TEX2: variants seen among roughly 807,000 people sequenced by gnomAD.
The protein encoded by TEX2 is testis expressed 2.
TEX2 carries 53 observed loss-of-function variants against 106.9 expected under a neutral mutation model. The observed-to-expected ratio is 0.50, with a 90% CI of 0.40 to 0.62. The LOEUF (loss-of-function observed/expected upper bound fraction) is 0.62, where lower values mean the gene tolerates loss of function less well. Among genes scored for constraint, TEX2 ranks in the 20% least tolerant of loss-of-function variants. The pLI is 0.00. For missense variants in TEX2, 1,207 were observed against 1,379.0 expected (o/e 0.88, Z 1.98); for synonymous variants, 523 against 534.8 (o/e 0.98, Z 0.30).
At chr17:64,225,930 C>A (rs1555633843) in intron 1 of TEX2, among the ~76,000 whole-genome samples, 1 of 152,106 alleles carries the variant, frequency 6.6e-6, no homozygotes. Context: ...GTTGGCCAGG[C>A]TGGTCTTGAA....
chr17:64,171,394 G>A (rs1389420806), intron 6 of TEX2, among the ~76,000 whole-genome samples, 195 bp from the exon 7 acceptor site: 6 of 152,136 alleles, frequency 3.9e-5, no homozygotes, highest in Non-Finnish European at 8.8e-5. Context: ...GTCAGGCCAG[G>A]GCCTGGCTCT....
At position 64,217,939 on chromosome 17, in the gene TEX2, A is replaced by G. The variant is rs2033231649; in HGVS notation, c.-25-3697T>C. Among the ~76,000 whole-genome samples, 1 of 152,204 alleles carries G rather than the reference A, an allele frequency of 6.6e-6. No individual in the cohort carries two copies. The highest frequency in any genetic ancestry group is 2.4e-5 in the African/African-American group (1 of 41,444). On this transcript the variant is annotated intron_variant, in intron 1 of 11. Transcript: ENST00000584379. The surrounding 1 kb of genome is among the most constrained non-coding windows in gnomAD (Gnocchi z 4.3). ...TCTGACATGATCAAAGTGGTACACA[A>G]AATTAATCACGTCCCGTCCCAGAAT... is the stretch of plus-strand genomic sequence containing the variant.
At chr17:64,238,030 G>A (rs1051082031) in intron 1 of TEX2, among the ~76,000 whole-genome samples, 4 of 152,262 alleles carry the variant, frequency 2.6e-5, no homozygotes, top group South Asian at 2.1e-4. Flanking sequence ...AGCCAGGCGC[G>A]GTGGTTCATG....
chr17:64,188,237 G>A lies in TEX2; in HGVS notation c.2355C>T (p.Pro785=), dbSNP rs747879534. 3 of 1,613,618 alleles carry A rather than the reference G, an allele frequency of 1.9e-6. No homozygotes were observed. Among genetic ancestry groups the A allele is most frequent in the Admixed American group, 3.3e-5 (2 of 60,026 alleles). ...TCCTCTGGGGGCTTCGGCTTTCCTG[G>A]GGGACACACCTGCCCATGTACACGC... is the stretch of plus-strand genomic sequence containing the variant. ...DYSVYMGRCV[P]QESRSPQRSP... Residue 785 remains proline (P), a synonymous_variant, in exon 5 of 12, where the codon CCC becomes CCT. Coordinates refer to ENST00000584379, the MANE Select transcript of TEX2 (RefSeq NM_001288732.2).
intron 1 of TEX2, among the ~76,000 whole-genome samples, chr17:64,244,367 A>G (rs2143431566): frequency 6.6e-6 from 1 of 152,318 alleles, no homozygotes; most frequent in South Asian, 2.1e-4. Flanking sequence ...ACAGCAGGTC[A>G]GGAAGGTCTT....
intron 5 of TEX2, among the ~76,000 whole-genome samples, chr17:64,181,475 A>T (rs1196885250): frequency 0.2 from 2,729 of 13,426 alleles, 264 homozygotes; most frequent in Middle Eastern, 0.25. Flanking sequence ...GCTATCTCAA[A>T]AAAAAAAAAA....
At chr17:64,207,781 G>A (rs528872493) in intron 2 of TEX2, among the ~76,000 whole-genome samples, 1 of 151,772 alleles carries the variant, frequency 6.6e-6, no homozygotes. Context: ...TGTCACTCAG[G>A]CTGGAGGGCA....
intron 3 of TEX2, 67 bp downstream of exon 3, chr17:64,194,828 T>C: frequency 6.7e-7 from 1 of 1,490,866 alleles, no homozygotes; most frequent in Non-Finnish European, 9.3e-7. Flanking sequence ...AAAATGCAGT[T>C]AAGCATCCAA....
intron 4 of TEX2, among the ~76,000 whole-genome samples, chr17:64,189,920 G>A (rs2032231637): frequency 6.6e-6 from 1 of 151,732 alleles, no homozygotes; most frequent in African/African-American, 2.4e-5. Flanking sequence ...GGGAGGCGGA[G>A]GTTGCAGTGA....
intron 1 of TEX2, among the ~76,000 whole-genome samples, chr17:64,262,836 C>T (rs886986131): frequency 4.6e-5 from 7 of 152,188 alleles, no homozygotes; most frequent in Non-Finnish European, 1.0e-4. Context: ...AATTGCAAGC[C>T]GTTTTCCTCT....
intron 4 of TEX2, among the ~76,000 whole-genome samples, chr17:64,190,817 C>T (rs2032268376): frequency 6.6e-6 from 1 of 152,168 alleles, no homozygotes; most frequent in Admixed American, 6.5e-5. Context: ...TCTTAAGATC[C>T]CGTCAAACAT....
chr17:64,250,784 C>A (rs931606394), intron 1 of TEX2, among the ~76,000 whole-genome samples: 1 of 152,152 alleles, frequency 6.6e-6, no homozygotes, highest in Non-Finnish European at 1.5e-5. Context: ...CAAGCTCAAG[C>A]AATCCTCCCA....
At chr17:64,208,461 A>C (rs1039904657) in intron 2 of TEX2, among the ~76,000 whole-genome samples, 1 of 151,606 alleles carries the variant, frequency 6.6e-6, no homozygotes, top group Non-Finnish European at 1.5e-5. Context: ...GCTGGTCTTG[A>C]ACTCCTGACC....
intron 1 of TEX2, among the ~76,000 whole-genome samples, chr17:64,228,929 T>TACAC (rs57741930): frequency 0.025 from 3,614 of 146,662 alleles, 69 homozygotes; most frequent in African/African-American, 0.055. Context: ...GACTGACAGG[T>TACAC]ACACACACAC....
chr17:64,177,421 A>G lies in TEX2; in HGVS notation c.2475T>C (p.Asn825=). The change falls in exon 6 of 12, where the codon AAT becomes AAC. Residue 825 remains asparagine (N), a synonymous_variant. Coordinates refer to ENST00000584379, the MANE Select transcript of TEX2 (RefSeq NM_001288732.2). The part of the protein sequence containing the change: ...SEEEEQEAWV[N]ALLGRIFWDF... ...CCCAAAATATTCTTCCAAGCAAGGC[A>G]TTCACCCAGGCTTCCTGTTCTTCCT... 6.2e-6 allele frequency: 10 copies of G among 1,614,196 alleles called. No homozygotes were observed. Among genetic ancestry groups the G allele is most frequent in the East Asian group, 2.2e-5 (1 of 44,884 alleles).
chr17:64,189,538 T>G (rs182570721), intron 4 of TEX2, among the ~76,000 whole-genome samples: 6 of 152,224 alleles, frequency 3.9e-5, no homozygotes, highest in Non-Finnish European at 7.4e-5. Flanking sequence ...ATGGAGAGAT[T>G]AGCCAGGAAC....
At chr17:64,173,127 C>T (rs2031482239) in intron 6 of TEX2, among the ~76,000 whole-genome samples, 1 of 152,186 alleles carries the variant, frequency 6.6e-6, no homozygotes, top group Admixed American at 6.5e-5. Context: ...TCTTTAAGTG[C>T]TAAATTCCCA....
intron 7 of TEX2, 71 bp downstream of exon 7, chr17:64,171,029 A>G: frequency 1.6e-6 from 2 of 1,245,530 alleles, no homozygotes; most frequent in South Asian, 2.5e-5. Flanking sequence ...CCAAACACAA[A>G]GCCATCATGG....
chr17:64,156,933 A>G (rs1480669126), intron 8 of TEX2, among the ~76,000 whole-genome samples: 1 of 152,246 alleles, frequency 6.6e-6, no homozygotes, highest in Non-Finnish European at 1.5e-5. Flanking sequence ...CTCTCAGGTT[A>G]CTGAGTTAAT....
Sources: allele counts gnomAD v4.1 joint callset (sites outside exome capture counted in the v4.1 genomes callset), GRCh38; gene constraint gnomAD v4.1.1; non-coding constraint Gnocchi (gnomAD v3.1); transcripts MANE v1.5; gene names NCBI Gene and HGNC (gene_info 2026-07-23, HGNC 2026-07-21).